Variants in LPIN2 observed in about 807,000 individuals in gnomAD.
LPIN2 encodes the protein phosphatidate phosphatase LPIN2.
A neutral mutation model predicts 111.4 loss-of-function variants in LPIN2; 55 were observed. The observed-to-expected ratio is 0.49, with a 90% CI of 0.40 to 0.62. The LOEUF (loss-of-function observed/expected upper bound fraction) is 0.62, where lower values mean the gene tolerates loss of function less well. LPIN2 is among the 20% of genes least tolerant of loss of function. LPIN2 has a pLI of 0.00. For missense variants in LPIN2, 992 were observed against 1,112.1 expected, an observed-to-expected ratio of 0.89 and a Z score of 1.54; for synonymous variants, 425 against 414.0, an observed-to-expected ratio of 1.03 and a Z score of -0.32.
At chr18:2,921,455 G>C (rs1319260640) in intron 18 of LPIN2, 78 bp downstream of exon 18, 6 of 1,053,232 alleles carry the variant, frequency 5.7e-6, no homozygotes, top group Non-Finnish European at 9.0e-6. Context: ...TTTGAGAATT[G>C]GGACGTGGCT....
chr18:2,969,840 T>C (rs1210078547), intron 1 of LPIN2, among the ~76,000 whole-genome samples: 1 of 152,202 alleles, frequency 6.6e-6, no homozygotes. Context: ...TGCAAGAACT[T>C]TCTCCTCTTA....
At chr18:2,921,803 A>ATT in intron 17 of LPIN2, 156 bp from the exon 18 acceptor site, 1 of 771,752 alleles carries the variant, frequency 1.3e-6, no homozygotes, top group Non-Finnish European at 2.1e-6. Flanking sequence ...ATAACTAAGA[A>ATT]AATTTGAGTG....
At chr18:3,002,236 C>CA (rs765641037) in intron 1 of LPIN2, among the ~76,000 whole-genome samples, 1,065 of 82,746 alleles carry the variant, frequency 0.013, 17 homozygotes, top group East Asian at 0.038. Context: ...TTCAAAAGAC[C>CA]AAAAAAAAAA....
intron 19 of LPIN2, 61 bp from the exon 20 acceptor site, chr18:2,920,498 G>C (rs996011452): frequency 1.3e-6 from 2 of 1,577,080 alleles, no homozygotes; most frequent in African/African-American, 2.7e-5. Flanking sequence ...AAAGGCACAA[G>C]ATGGGGGGCT....
At chr18:2,938,953 C>T (rs1042757652) in intron 6 of LPIN2, among the ~76,000 whole-genome samples, 1 of 152,138 alleles carries the variant, frequency 6.6e-6, no homozygotes, top group African/African-American at 2.4e-5. Context: ...CAGGAGTTTG[C>T]GATCAGGCCA....
chr18:2,945,719 T>C, intron 4 of LPIN2: 3 of 1,199,578 alleles, frequency 2.5e-6, no homozygotes, highest in Non-Finnish European at 3.7e-6. Context: ...TTTGATCAAA[T>C]TCCTTCTCTC....
intron 1 of LPIN2, among the ~76,000 whole-genome samples, chr18:2,972,828 T>A (rs1350476741): frequency 1.3e-5 from 2 of 152,188 alleles, no homozygotes; most frequent in African/African-American, 4.8e-5. Context: ...TTTCCCAAAA[T>A]GAAAATAAAA....
chr18:2,991,775 G>A (rs541705032), intron 1 of LPIN2, among the ~76,000 whole-genome samples: 1 of 152,080 alleles, frequency 6.6e-6, no homozygotes, highest in African/African-American at 2.4e-5. Context: ...ACTTTGGGAG[G>A]GGGAGGTGGG....
intron 2 of LPIN2, among the ~76,000 whole-genome samples, chr18:2,958,751 AG>A (rs2077662168): frequency 6.6e-6 from 1 of 152,190 alleles, no homozygotes; most frequent in African/African-American, 2.4e-5. Flanking sequence ...ACGATTGTGT[AG>A]CTTTTGCACA....
At position 2,919,179 on chromosome 18, in the gene LPIN2, G is replaced by C. The variant is rs949517644; in HGVS notation, c.*1114C>G. On this transcript the variant is annotated 3_prime_UTR_variant, in exon 20 of 20. Transcript: ENST00000677752. ...ATACATAGGCACCCGTGTCCCCATG[G>C]GGTCTCACAGGGCTAGGCTGGGGAC... The C allele has an allele frequency of 6.6e-6, 1 of 152,170 alleles. No homozygotes were observed. Among genetic ancestry groups the C allele is most frequent in the Non-Finnish European group, 1.5e-5 (1 of 68,046 alleles). The allele number at this position is 152,170 out of a possible 1,614,324, so 9.4% of individuals were successfully genotyped here.
intron 1 of LPIN2, among the ~76,000 whole-genome samples, chr18:2,981,621 AAT>A (rs1387315010): frequency 6.6e-6 from 1 of 152,234 alleles, no homozygotes; most frequent in Non-Finnish European, 1.5e-5. Flanking sequence ...TGAGTGAGCC[AAT>A]ATGTGTATAC....
At chr18:2,964,282 CAAAAAAAAAA>C (rs56276815) in intron 1 of LPIN2, among the ~76,000 whole-genome samples, 8 of 56,868 alleles carry the variant, frequency 1.4e-4, no homozygotes, top group Admixed American at 8.0e-4. Context: ...GACTCCGTCT[CAAAAAAAAAA>C]AAAAAAAAAA....
chr18:2,953,265 A>G (rs748135835), intron 3 of LPIN2, among the ~76,000 whole-genome samples: 8 of 152,232 alleles, frequency 5.3e-5, no homozygotes, highest in Non-Finnish European at 1.2e-4. Context: ...GTTAACATCA[A>G]TAACCCAGTC....
At chr18:2,947,897 A>G (rs2077478984) in intron 4 of LPIN2, among the ~76,000 whole-genome samples, 1 of 152,134 alleles carries the variant, frequency 6.6e-6, no homozygotes, top group Non-Finnish European at 1.5e-5. Context: ...AAATAATGTC[A>G]GAGTCTAGGT....
At chr18:3,001,288 G>A (rs11661932) in intron 1 of LPIN2, among the ~76,000 whole-genome samples, 12,677 of 152,238 alleles carry the variant, frequency 0.083, 620 homozygotes, top group South Asian at 0.15. Context: ...CTGGGATTCA[G>A]GATGAGTGAG....
At chr18:2,936,321 T>C (rs1016786888) in intron 7 of LPIN2, among the ~76,000 whole-genome samples, 4 of 152,224 alleles carry the variant, frequency 2.6e-5, no homozygotes, top group Non-Finnish European at 4.4e-5. Context: ...GTTCAGAATA[T>C]GTATGTTCTG....
intron 4 of LPIN2, chr18:2,946,251 T>G: frequency 6.4e-7 from 1 of 1,551,984 alleles, no homozygotes; most frequent in Non-Finnish European, 8.9e-7. Flanking sequence ...GGGGCTTGAA[T>G]GTGTTCCTGA....
intron 1 of LPIN2, chr18:2,977,062 G>A (rs1297571298): frequency 6.6e-6 from 1 of 152,176 alleles, no homozygotes; most frequent in East Asian, 1.9e-4. Flanking sequence ...ACAAAAATTA[G>A]CCAGGTGTGG....
chr18:2,922,257 AAAAC>A, intron 16 of LPIN2, 58 bp from the exon 17 acceptor site: 1 of 1,570,928 alleles, frequency 6.4e-7, no homozygotes, highest in Non-Finnish European at 8.7e-7. Context: ...AAGAAAACAA[AAAAC>A]AAAAAAAAAA....
Sources: allele counts gnomAD v4.1 joint callset (sites outside exome capture counted in the v4.1 genomes callset), GRCh38; gene constraint gnomAD v4.1.1; transcripts MANE v1.5; gene names NCBI Gene and HGNC (gene_info 2026-07-23, HGNC 2026-07-21).